FAM135B: variants seen among roughly 807,000 people sequenced by gnomAD.
FAM135B encodes family with sequence similarity 135 member B.
In FAM135B, 43 loss-of-function variants were observed where a neutral mutation model predicts 127.7. That is an observed-to-expected ratio of 0.34 (90% CI 0.26 to 0.43). FAM135B has a LOEUF of 0.43. FAM135B is among the 20% of genes least tolerant of loss of function. FAM135B has a pLI of 1.00. For missense variants in FAM135B, 1,558 were observed against 1,725.6 expected, an observed-to-expected ratio of 0.90 and a Z score of 1.72; for synonymous variants, 670 against 665.1, an observed-to-expected ratio of 1.01 and a Z score of -0.11.
chr8:138,217,432 C>CTTTT lies in FAM135B; in HGVS notation c.670-19767_670-19764dup, dbSNP rs538347463. On this transcript the variant is annotated intron_variant, in intron 7 of 19. Coordinates refer to ENST00000395297, the MANE Select transcript of FAM135B (RefSeq NM_015912.4). ...TATTCATTTGTTCTCTGATATATTT[C>CTTTT]TTTTTTTTTTTTTTTTGAGATGGAG... Among the ~76,000 whole-genome samples, 17 of 129,252 alleles carry CTTTT rather than the reference C, an allele frequency of 1.3e-4. 1 individual carries two copies. Among genetic ancestry groups the CTTTT allele is most frequent in the South Asian group, 2.5e-4 (1 of 4,076 alleles). The allele number at this position is 129,252 out of a possible 152,430, so 84.8% of individuals were successfully genotyped here.
rs561927065 is a variant in FAM135B, at chr8:138,335,025, G to A, written c.78-24105C>T. ...AAAGTCTACATTTTCTAAAACTTTG[G>A]TAATGATTCTGAGGAATACATTTTT... On this transcript the variant is annotated intron_variant, in intron 2 of 19. Coordinates refer to ENST00000395297, the MANE Select transcript of FAM135B (RefSeq NM_015912.4). 1.2e-4 allele frequency among the ~76,000 whole-genome samples: 18 copies of A among 152,242 alleles called. No homozygotes were observed. In the East Asian group the frequency reaches 2.5e-3, roughly 21 times the overall value.
intron 11 of FAM135B, among the ~76,000 whole-genome samples, chr8:138,172,333 T>C (rs140818109): frequency 6.6e-6 from 1 of 152,310 alleles, no homozygotes; most frequent in Admixed American, 6.5e-5. Flanking sequence ...TTCTCCTAGA[T>C]CTTTGGTGCA....
intron 1 of FAM135B, among the ~76,000 whole-genome samples, chr8:138,399,760 G>T (rs952418351): frequency 6.6e-6 from 1 of 152,122 alleles, no homozygotes; most frequent in Non-Finnish European, 1.5e-5. Flanking sequence ...CCAGGCTGAT[G>T]GATACTTTGA....
At chr8:138,219,491 A>T (rs1818857455) in intron 7 of FAM135B, among the ~76,000 whole-genome samples, 1 of 152,218 alleles carries the variant, frequency 6.6e-6, no homozygotes, top group African/African-American at 2.4e-5. Context: ...TGAATTAAGG[A>T]AGGCCACTCG....
chr8:138,201,896 C>T (rs376113011), intron 7 of FAM135B, among the ~76,000 whole-genome samples: 15 of 152,028 alleles, frequency 9.9e-5, no homozygotes, highest in African/African-American at 2.7e-4. Flanking sequence ...GAGGCCGAGG[C>T]GGGCAGATCA....
chr8:138,342,809 T>C (rs2131068179), intron 2 of FAM135B, among the ~76,000 whole-genome samples: 1 of 152,278 alleles, frequency 6.6e-6, no homozygotes, highest in South Asian at 2.1e-4. Context: ...TGCACACAAC[T>C]ATGCATCCCC....
At chr8:138,438,861 T>C (rs2131537142) in intron 1 of FAM135B, 1 of 152,330 alleles carries the variant, frequency 6.6e-6, no homozygotes, top group Admixed American at 6.5e-5. Flanking sequence ...TTTTACTCCT[T>C]AGCATTTCCT....
intron 7 of FAM135B, among the ~76,000 whole-genome samples, chr8:138,225,916 A>T (rs1819390707): frequency 6.6e-6 from 1 of 151,962 alleles, no homozygotes; most frequent in Non-Finnish European, 1.5e-5. Context: ...CAGAGGAGGG[A>T]GGAGTAAATT....
chr8:138,399,063 T>C (rs1244696465), intron 1 of FAM135B, among the ~76,000 whole-genome samples: 1 of 152,178 alleles, frequency 6.6e-6, no homozygotes, highest in Admixed American at 6.5e-5. Context: ...GGAGTAAGAA[T>C]AATAATATAT....
At chr8:138,209,250 C>T (rs1414750410) in intron 7 of FAM135B, among the ~76,000 whole-genome samples, 1 of 152,018 alleles carries the variant, frequency 6.6e-6, no homozygotes, top group Non-Finnish European at 1.5e-5. Flanking sequence ...CACATAATTG[C>T]AGCACAATAT....
At chr8:138,252,680 G>A (rs1011242178) in intron 5 of FAM135B, among the ~76,000 whole-genome samples, 1 of 152,114 alleles carries the variant, frequency 6.6e-6, no homozygotes, top group East Asian at 1.9e-4. Flanking sequence ...TGCACTGATA[G>A]GAGAGTGTCT....
intron 9 of FAM135B, among the ~76,000 whole-genome samples, chr8:138,188,758 A>G (rs1006243970): frequency 1.3e-5 from 2 of 152,080 alleles, no homozygotes; most frequent in South Asian, 2.1e-4. Context: ...TCCAGGTTCC[A>G]TCTACCGCCT....
chr8:138,182,532 C>T (rs559984399), intron 9 of FAM135B, among the ~76,000 whole-genome samples: 8 of 152,258 alleles, frequency 5.3e-5, no homozygotes, highest in South Asian at 2.1e-4. Context: ...TCTGTCCCAG[C>T]GGTGTGCCGA....
intron 1 of FAM135B, among the ~76,000 whole-genome samples, chr8:138,452,444 G>T (rs1179973547): frequency 6.6e-6 from 1 of 152,002 alleles, no homozygotes; most frequent in Admixed American, 6.6e-5. Context: ...CAAAGTGGAG[G>T]TGACCACAGT....
At chr8:138,363,492 T>C (rs1830562216) in intron 2 of FAM135B, among the ~76,000 whole-genome samples, 1 of 152,164 alleles carries the variant, frequency 6.6e-6, no homozygotes, top group African/African-American at 2.4e-5. Context: ...TGACTTTTTG[T>C]CAGCATGAGT....
In FAM135B at chr8:138,420,257, T is replaced by A. The variant is rs192565705; in HGVS notation, c.-19-52255A>T. Among the ~76,000 whole-genome samples the A allele has an allele frequency of 4.0e-3, 612 of 152,060 alleles. 5 individuals carry two copies. Among genetic ancestry groups the A allele is most frequent in the Non-Finnish European group, 5.2e-3 (354 of 67,964 alleles). On this transcript the variant is annotated intron_variant, in intron 1 of 19. Transcript: ENST00000395297. ...GCAAACTAGAAAACCTACAAGAAATTGATAAAATTCCTGGAAACATAAAAT... is the reference window on the plus strand; with the variant it reads ...GCAAACTAGAAAACCTACAAGAAATAGATAAAATTCCTGGAAACATAAAAT...
chr8:138,484,898 T>C (rs1441939939), intron 1 of FAM135B, among the ~76,000 whole-genome samples: 2 of 152,190 alleles, frequency 1.3e-5, no homozygotes, highest in African/African-American at 4.8e-5. Flanking sequence ...ATGGATAATC[T>C]TATCTTTATA....
chr8:138,294,232 A>G (rs1312830369), intron 3 of FAM135B, among the ~76,000 whole-genome samples: 4 of 152,020 alleles, frequency 2.6e-5, no homozygotes, highest in African/African-American at 9.7e-5. Context: ...TGGACTTTGG[A>G]GAATCAGAAA....
intron 7 of FAM135B, among the ~76,000 whole-genome samples, chr8:138,198,008 G>T (rs569107730): frequency 1.3e-5 from 2 of 152,154 alleles, no homozygotes; most frequent in Admixed American, 1.3e-4. Flanking sequence ...TGAGACAATC[G>T]AGTGGCCCCA....
Sources: gnomAD v4.1 joint callset for allele counts (sites outside exome capture counted in the v4.1 genomes callset) on GRCh38, gnomAD v4.1.1 for gene constraint, MANE v1.5 for transcripts, NCBI Gene and HGNC (gene_info 2026-07-23, HGNC 2026-07-21) for gene names.